Variants in SAMD12 observed in about 807,000 individuals in gnomAD.
The protein encoded by SAMD12 is sterile alpha motif domain-containing protein 12.
In SAMD12, 9 loss-of-function variants were observed where a neutral mutation model predicts 15.0. The ratio of observed to expected loss-of-function variants is 0.60; its 90% CI spans 0.36 to 1.05. SAMD12 has a LOEUF of 1.05. Ranked by LOEUF, SAMD12 falls within the 50% of genes least tolerant of loss-of-function variation. The pLI is 0.01. For missense variants in SAMD12, 230 were observed against 234.2 expected (o/e 0.98, Z 0.12); for synonymous variants, 86 against 90.1 (o/e 0.96, Z 0.25).
chr8:118,299,835 G>T (rs753976908), intron 4 of SAMD12, among the ~76,000 whole-genome samples: 52 of 152,004 alleles, frequency 3.4e-4, no homozygotes, highest in South Asian at 6.2e-4. Flanking sequence ...TTAGTTTTTT[G>T]TTGTTGTTGT....
Position 118,378,274 on chromosome 8 carries a change from A to C in SAMD12, c.*1143T>G, listed in dbSNP as rs904897399. On this transcript the variant is annotated 3_prime_UTR_variant, in exon 4 of 4. Coordinates refer to ENST00000314727, the MANE Select transcript of SAMD12 (RefSeq NM_207506.3). Reference sequence around the variant, plus strand: ...TTGCTGGACCTCTAGGTTGCTTGTAAATTTTCCGTTTTCCAAATAGCACTG... The same window carrying C: ...TTGCTGGACCTCTAGGTTGCTTGTACATTTTCCGTTTTCCAAATAGCACTG... 4.2e-6 allele frequency: 2 copies of C among 475,760 alleles called. No homozygotes were observed. Among genetic ancestry groups the C allele is most frequent in the African/African-American group, 4.2e-5 (2 of 47,214 alleles). The allele number at this position is 475,760 out of a possible 1,614,324, so 29.5% of individuals were successfully genotyped here.
intron 4 of SAMD12, among the ~76,000 whole-genome samples, chr8:118,265,898 A>C (rs1261413166): frequency 1.3e-5 from 2 of 152,146 alleles, no homozygotes. Flanking sequence ...GTACGACATC[A>C]TACAATATAA....
intron 2 of SAMD12, among the ~76,000 whole-genome samples, chr8:118,532,334 T>C (rs1187408270): frequency 1.3e-5 from 2 of 152,224 alleles, no homozygotes; most frequent in Non-Finnish European, 2.9e-5. Flanking sequence ...CTGGATTCTG[T>C]TTGACAGTAT....
downstream of SAMD12, among the ~76,000 whole-genome samples, chr8:118,188,960 A>G (rs1333358776): frequency 6.6e-6 from 1 of 152,112 alleles, no homozygotes; most frequent in African/African-American, 2.4e-5. Context: ...AAATACAGAT[A>G]GCTTACATTT....
chr8:118,260,666 G>A (rs987542833), intron 4 of SAMD12, among the ~76,000 whole-genome samples: 3 of 152,130 alleles, frequency 2.0e-5, no homozygotes, highest in Admixed American at 2.0e-4. Flanking sequence ...ACCAGCAGGA[G>A]TTTCAGAAGG....
chr8:118,537,339 G>T (rs1368000438), intron 2 of SAMD12, among the ~76,000 whole-genome samples: 1 of 151,948 alleles, frequency 6.6e-6, no homozygotes, highest in Non-Finnish European at 1.5e-5. Context: ...GAAGTTCTCT[G>T]TTATTACCCC....
At chr8:118,144,233 A>G in the SAMD12 span, among the ~76,000 whole-genome samples, 1 of 152,200 alleles carries the variant, frequency 6.6e-6, no homozygotes, top group Admixed American at 6.5e-5. Flanking sequence ...CAAGATCTTT[A>G]ATTACATCTT....
At chr8:118,175,046 A>C in the SAMD12 span, among the ~76,000 whole-genome samples, 6,711 of 147,398 alleles carry the variant, frequency 0.046, 359 homozygotes, top group African/African-American at 0.13. Context: ...AAAAAAAAAA[A>C]ACAAAAAAAA....
intron 3 of SAMD12, among the ~76,000 whole-genome samples, chr8:118,393,290 A>G (rs1391435461): frequency 1.3e-5 from 2 of 152,244 alleles, no homozygotes; most frequent in Admixed American, 6.5e-5. Context: ...ATGTCTCACC[A>G]CGGCAATCTT....
At chr8:118,213,003 T>A (rs1487703640) in intron 4 of SAMD12, among the ~76,000 whole-genome samples, 1 of 152,168 alleles carries the variant, frequency 6.6e-6, no homozygotes, top group African/African-American at 2.4e-5. Flanking sequence ...TAATAAAGAA[T>A]GAGAATACGA....
At chr8:118,535,493 A>T (rs1825814513) in intron 2 of SAMD12, among the ~76,000 whole-genome samples, 1 of 152,194 alleles carries the variant, frequency 6.6e-6, no homozygotes, top group Non-Finnish European at 1.5e-5. Context: ...AGGGATGTTT[A>T]AGTCTGCAGA....
intron 2 of SAMD12, among the ~76,000 whole-genome samples, chr8:118,497,040 A>G (rs1824635708): frequency 6.6e-6 from 1 of 152,232 alleles, no homozygotes; most frequent in African/African-American, 2.4e-5. Flanking sequence ...ACTAGTCAGA[A>G]TGGCTATTAC....
At chr8:118,486,114 A>G (rs1366640934) in intron 2 of SAMD12, among the ~76,000 whole-genome samples, 1 of 152,228 alleles carries the variant, frequency 6.6e-6, no homozygotes, top group Non-Finnish European at 1.5e-5. Flanking sequence ...GGGAAGCCCA[A>G]ACTTAAAAGA....
chr8:118,269,012 A>AGGATGTGG (rs1813272231), intron 4 of SAMD12, among the ~76,000 whole-genome samples: 2 of 152,270 alleles, frequency 1.3e-5, no homozygotes, highest in Non-Finnish European at 2.9e-5. Context: ...AGTAAAAGAA[A>AGGATGTGG]GGATGTGGGG....
chr8:118,235,049 T>C (rs1812397689), intron 4 of SAMD12, among the ~76,000 whole-genome samples: 1 of 152,162 alleles, frequency 6.6e-6, no homozygotes, highest in South Asian at 2.1e-4. Context: ...AATCAGAAGG[T>C]ATAATCCAAA....
At chr8:118,468,592 CTT>C (rs936062942) in intron 2 of SAMD12, among the ~76,000 whole-genome samples, 4 of 152,022 alleles carry the variant, frequency 2.6e-5, no homozygotes, top group African/African-American at 9.7e-5. Flanking sequence ...CCCTTTCACT[CTT>C]TTCTCTCCTT....
chr8:118,287,615 C>A (rs1043843351), intron 4 of SAMD12, among the ~76,000 whole-genome samples: 2 of 152,094 alleles, frequency 1.3e-5, no homozygotes, highest in Non-Finnish European at 2.9e-5. Flanking sequence ...GGTTTTTACT[C>A]ACCTGTATAA....
intron 4 of SAMD12, among the ~76,000 whole-genome samples, chr8:118,268,969 G>A (rs1699926001): frequency 2.0e-5 from 3 of 152,122 alleles, no homozygotes; most frequent in Admixed American, 6.6e-5. Context: ...CCACCAACCC[G>A]AGTGTGAGCG....
chr8:118,168,813 G>A, the SAMD12 span, among the ~76,000 whole-genome samples: 1 of 152,062 alleles, frequency 6.6e-6, no homozygotes, highest in South Asian at 2.1e-4. Flanking sequence ...CATACGAGTT[G>A]TGGAAATCAT....
Sources: gnomAD v4.1 joint callset for allele counts (sites outside exome capture counted in the v4.1 genomes callset) on GRCh38, gnomAD v4.1.1 for gene constraint, MANE v1.5 for transcripts, NCBI Gene and HGNC (gene_info 2026-07-23, HGNC 2026-07-21) for gene names.